PRRC2C: variants seen among roughly 807,000 people sequenced by gnomAD.
PRRC2C encodes the protein proline rich coiled-coil 2C.
Under a neutral mutation model 317.2 loss-of-function variants are expected in PRRC2C, and 72 were observed. The observed-to-expected ratio is 0.23, with a 90% CI of 0.19 to 0.28. The LOEUF (loss-of-function observed/expected upper bound fraction) is 0.28. Ranked by LOEUF, PRRC2C falls within the 10% of genes least tolerant of loss-of-function variation. The pLI, the probability that PRRC2C is intolerant of heterozygous loss-of-function variation, is 1.00. For synonymous variants in PRRC2C, 1,296 were observed against 1,205.9 expected, an observed-to-expected ratio of 1.07 and a Z score of -1.55; for missense variants, 3,074 against 3,459.7, an observed-to-expected ratio of 0.89 and a Z score of 2.80.
intron 20 of PRRC2C, among the ~76,000 whole-genome samples, chr1:171,564,034 C>G (rs920975460): frequency 6.6e-6 from 1 of 151,976 alleles, no homozygotes; most frequent in Non-Finnish European, 1.5e-5. Flanking sequence ...TCTTTGTGTT[C>G]TTTATGTTTT....
At position 171,536,020 on chromosome 1, in the gene PRRC2C, C is replaced by A; in HGVS notation, c.2044-9C>A. 6.4e-7 allele frequency: 1 copy of A among 1,552,020 alleles called. No homozygotes were observed. The highest frequency in any genetic ancestry group is 8.7e-7 in the Non-Finnish European group (1 of 1,147,022). On this transcript the variant is annotated splice_polypyrimidine_tract_variant and intron_variant, in intron 13 of 34. Transcript: ENST00000647382. ...TAAACTCTCAAGATATGGGATCTTACTTTTTCAGGAACAGATGAAACAGCA... is the reference window on the plus strand; with the variant it reads ...TAAACTCTCAAGATATGGGATCTTAATTTTTCAGGAACAGATGAAACAGCA...
rs1481426656 is a variant in PRRC2C, at chr1:171,589,550, C to A, written c.8381C>A (p.Ser2794Tyr). Residue 2794 changes from serine (S) to tyrosine (Y), a missense_variant, in exon 34 of 35, where the codon TCT becomes TAT. By Grantham distance (144) the Ser-to-Tyr change is moderately radical (BLOSUM62 -2). Around this residue, in one of 11 missense-constraint regions of PRRC2C, gnomAD observed 490 missense variants for 663.1 expected, o/e 0.74. Transcript: ENST00000647382. ...HVARGPCGSL[S>Y]GVRGNQAQAA... The stretch of plus-strand genomic sequence containing the variant: ...GCCAGGGGTCCTTGTGGATCACTAT[C>A]TGGAGTCAGAGGTAATCAGGCCCAG... The A allele has an allele frequency of 2.3e-6, 3 of 1,289,782 alleles. No homozygotes were observed. Among genetic ancestry groups the A allele is most frequent in the Non-Finnish European group, 2.0e-6 (2 of 988,864 alleles). The allele number at this position is 1,289,782 out of a possible 1,614,324, so 79.9% of individuals were successfully genotyped here.
chr1:171,532,645 A>G lies in PRRC2C; in HGVS notation c.1557A>G (p.Lys519=). 1 of 1,551,874 alleles carries G rather than the reference A, an allele frequency of 6.4e-7. No homozygotes were observed. Among genetic ancestry groups the G allele is most frequent in the Non-Finnish European group, 8.7e-7 (1 of 1,147,092 alleles). Residue 519 remains lysine (K), a synonymous_variant, in exon 12 of 35, where the codon AAA becomes AAG. Transcript: ENST00000647382. The stretch of plus-strand genomic sequence containing the variant: ...GAGAAAAAGAACGGGAGCGTGAGAA[A>G]GAACTTGAAAAAGAACAAGAACAGG... ...REREKERERE[K]ELEKEQEQER... is the part of the protein sequence containing the mutation.
chr1:171,521,336 A>T (rs189357774), intron 6 of PRRC2C, among the ~76,000 whole-genome samples: 8 of 152,272 alleles, frequency 5.3e-5, no homozygotes, highest in African/African-American at 1.9e-4. Context: ...CTTCCCTTCA[A>T]AATCATAGGA....
chr1:171,581,471 T>G (rs1276135867), intron 28 of PRRC2C, among the ~76,000 whole-genome samples: 1 of 152,202 alleles, frequency 6.6e-6, no homozygotes, highest in African/African-American at 2.4e-5. Context: ...TTTCACTAAT[T>G]GTCTTGGAAG....
At chr1:171,536,612 T>C (rs1676890864) in intron 14 of PRRC2C, among the ~76,000 whole-genome samples, 1 of 152,218 alleles carries the variant, frequency 6.6e-6, no homozygotes, top group African/African-American at 2.4e-5. Flanking sequence ...ATGTTATATA[T>C]ATTCCTTTTC....
chr1:171,497,589 A>T (rs1557859351), intron 1 of PRRC2C, among the ~76,000 whole-genome samples: 1 of 150,598 alleles, frequency 6.6e-6, no homozygotes, highest in East Asian at 2.0e-4. Flanking sequence ...CTTCTGTCTC[A>T]GTCTCCTGAG....
At chr1:171,575,161 C>G (rs1685479213) in intron 25 of PRRC2C, 33 bp downstream of exon 25, 6 of 1,534,682 alleles carry the variant, frequency 3.9e-6, no homozygotes, top group Non-Finnish European at 5.3e-6. Flanking sequence ...CTTTAAATAT[C>G]TTACATTATT....
intron 19 of PRRC2C, among the ~76,000 whole-genome samples, chr1:171,558,396 G>A (rs1263980789): frequency 6.6e-6 from 1 of 151,814 alleles, no homozygotes; most frequent in Admixed American, 6.6e-5. Flanking sequence ...TCTTGTACAT[G>A]CATATCTCAT....
At chr1:171,499,300 T>C (rs1465768812) in intron 1 of PRRC2C, among the ~76,000 whole-genome samples, 15 of 152,346 alleles carry the variant, frequency 9.8e-5, no homozygotes. Flanking sequence ...TAAATATTTG[T>C]ACGAGTGAAT....
intron 18 of PRRC2C, among the ~76,000 whole-genome samples, chr1:171,555,189 C>T (rs1681127754): frequency 6.6e-6 from 1 of 152,064 alleles, no homozygotes; most frequent in Admixed American, 6.5e-5. Flanking sequence ...CTAAACTTCT[C>T]TTCTCGCTTC....
chr1:171,575,218 A>G (rs1374648540), intron 25 of PRRC2C, 90 bp downstream of exon 25: 4 of 1,247,658 alleles, frequency 3.2e-6, no homozygotes, highest in Non-Finnish European at 4.4e-6. Flanking sequence ...TAGCCCTCCG[A>G]AAATAGTAAT....
chr1:171,565,793 A>C (rs899310028), intron 20 of PRRC2C, among the ~76,000 whole-genome samples: 2 of 152,208 alleles, frequency 1.3e-5, no homozygotes, highest in Non-Finnish European at 2.9e-5. Flanking sequence ...TGTTTGCTCT[A>C]TGTTACCAAT....
At chr1:171,586,975 C>T (rs1227990742) in intron 30 of PRRC2C, 28 bp from the exon 31 acceptor site, 2 of 1,486,834 alleles carry the variant, frequency 1.3e-6, no homozygotes, top group East Asian at 4.7e-5. Flanking sequence ...AAACAAATTG[C>T]TTCAGTTTCT....
rs746171437 is a variant in PRRC2C at position 171,540,132 on chromosome 1, C to T, written c.2666C>T (p.Thr889Ile). The T allele has an allele frequency of 1.2e-6, 2 of 1,613,956 alleles. No individual in the cohort carries two copies. ...GTGGAAGATGTTAGACCTCACCATA[C>T]TGATGCAAATAATCAGTCTGCTTGT... The part of the protein sequence containing the change: ...RSVEDVRPHH[T>I]DANNQSACFE... Residue 889 changes from threonine to isoleucine, a missense_variant, in exon 16 of 35, where the codon ACT becomes ATT. Around this residue, in one of 11 missense-constraint regions of PRRC2C, gnomAD observed 1,320 missense variants for 1,395.7 expected, o/e 0.95. Transcript: ENST00000647382.
intron 1 of PRRC2C, among the ~76,000 whole-genome samples, chr1:171,508,120 G>T (rs1362820226): frequency 6.6e-6 from 1 of 152,140 alleles, no homozygotes; most frequent in Non-Finnish European, 1.5e-5. Context: ...CTTCTGATTT[G>T]TGATACCTTT....
At position 171,586,569 on chromosome 1, in the gene PRRC2C, T is replaced by G. The variant is rs545442643; in HGVS notation, c.7750-434T>G. ...TATTTTATTTTATTTTATTTTATTTTATTTTATTTTATTTTATTTTATTTT... is the reference window on the plus strand; with the variant it reads ...TATTTTATTTTATTTTATTTTATTTGATTTTATTTTATTTTATTTTATTTT... On this transcript the variant is annotated intron_variant, in intron 30 of 34. Coordinates refer to ENST00000647382, the MANE Select transcript of PRRC2C (RefSeq NM_001387844.1). Among the ~76,000 whole-genome samples the G allele has an allele frequency of 1.3e-3, 191 of 148,338 alleles. 1 individual carries two copies. Among genetic ancestry groups the G allele is most frequent in the Non-Finnish European group, 2.3e-3 (154 of 67,368 alleles).
intron 6 of PRRC2C, among the ~76,000 whole-genome samples, chr1:171,520,997 G>A (rs1673444016): frequency 6.6e-6 from 1 of 151,538 alleles, no homozygotes; most frequent in African/African-American, 2.4e-5. Context: ...GTAGAGACAG[G>A]GTTTCACCAT....
intron 1 of PRRC2C, among the ~76,000 whole-genome samples, chr1:171,486,332 G>A (rs1466691248): frequency 1.3e-5 from 2 of 151,942 alleles, no homozygotes; most frequent in African/African-American, 4.8e-5. Flanking sequence ...AACTCCGGAG[G>A]AGGATTTGGG....
Sources: allele counts gnomAD v4.1 joint callset (sites outside exome capture counted in the v4.1 genomes callset), GRCh38; gene constraint gnomAD v4.1.1; regional missense constraint gnomAD v4.1.1; transcripts MANE v1.5; gene names NCBI Gene and HGNC (gene_info 2026-07-23, HGNC 2026-07-21).